Variants in PDE4B observed in about 807,000 individuals in gnomAD.
PDE4B encodes phosphodiesterase 4B.
Under a neutral mutation model 82.2 loss-of-function variants are expected in PDE4B, and 20 were observed. That is an observed-to-expected ratio of 0.24 (90% CI 0.17 to 0.35). The LOEUF (loss-of-function observed/expected upper bound fraction) is 0.35, where lower values mean the gene tolerates loss of function less well. Ranked by LOEUF, PDE4B falls within the 10% of genes least tolerant of loss-of-function variation. The pLI, the probability that PDE4B is intolerant of heterozygous loss-of-function variation, is 1.00. For missense variants in PDE4B, 655 were observed against 907.2 expected (o/e 0.72, Z 3.57); for synonymous variants, 320 against 318.9 (o/e 1.00, Z -0.04).
intron 3 of PDE4B, among the ~76,000 whole-genome samples, chr1:65,980,147 A>G (rs9436310): frequency 1.3e-3 from 202 of 152,300 alleles, no homozygotes; most frequent in African/African-American, 4.4e-3. Flanking sequence ...GTTGATAATG[A>G]TTATACACAT....
At chr1:66,295,330 C>G (rs1657425694) in intron 7 of PDE4B, among the ~76,000 whole-genome samples, 1 of 152,162 alleles carries the variant, frequency 6.6e-6, no homozygotes, top group South Asian at 2.1e-4. Context: ...TAAGACTCAG[C>G]CCCACATGTC....
chr1:65,810,863 G>T (rs1645810943), intron 1 of PDE4B, among the ~76,000 whole-genome samples: 1 of 152,068 alleles, frequency 6.6e-6, no homozygotes, highest in African/African-American at 2.4e-5. Context: ...GAGTTAATGT[G>T]GAGGATCTAC....
At chr1:65,798,081 C>T (rs979569402) in intron 1 of PDE4B, among the ~76,000 whole-genome samples, 16 of 151,884 alleles carry the variant, frequency 1.1e-4, no homozygotes, top group African/African-American at 3.9e-4. Flanking sequence ...TGCAGTGGTG[C>T]ATCTCGGCTC....
intron 3 of PDE4B, among the ~76,000 whole-genome samples, chr1:66,033,860 A>C (rs868517840): frequency 4.0e-4 from 60 of 151,522 alleles, no homozygotes; most frequent in Admixed American, 4.6e-4. Flanking sequence ...TTAATATTAG[A>C]CTTATGGTTG....
intron 3 of PDE4B, among the ~76,000 whole-genome samples, chr1:66,017,391 C>G (rs931909654): frequency 6.6e-6 from 1 of 152,010 alleles, no homozygotes; most frequent in African/African-American, 2.4e-5. Flanking sequence ...AAAAAGCTAC[C>G]TAGATAAAAG....
intron 1 of PDE4B, among the ~76,000 whole-genome samples, chr1:65,795,352 C>T (rs969355811): frequency 6.6e-6 from 1 of 152,134 alleles, no homozygotes; most frequent in Non-Finnish European, 1.5e-5. Context: ...ACAATTTCAC[C>T]CATTTCTATT....
chr1:66,331,627 T>C (rs1471070214), intron 7 of PDE4B: 3 of 359,366 alleles, frequency 8.3e-6, no homozygotes, highest in Non-Finnish European at 1.2e-5. Context: ...GGGCAACAAA[T>C]TGGAGCCCCC....
chr1:66,022,345 T>C (rs899543617), intron 3 of PDE4B, among the ~76,000 whole-genome samples: 6 of 152,120 alleles, frequency 3.9e-5, no homozygotes, highest in Admixed American at 2.0e-4. Context: ...CCAACACTGT[T>C]GAATAGGAGT....
intron 3 of PDE4B, among the ~76,000 whole-genome samples, chr1:66,113,521 A>T (rs563507253): frequency 2.6e-5 from 4 of 152,336 alleles, no homozygotes; most frequent in South Asian, 4.1e-4. Context: ...TCACTGAGTT[A>T]TACAGCTGCT....
At chr1:66,306,554 C>T (rs1198262882) in intron 7 of PDE4B, among the ~76,000 whole-genome samples, 1 of 152,122 alleles carries the variant, frequency 6.6e-6, no homozygotes, top group Non-Finnish European at 1.5e-5. Flanking sequence ...GATTTTAAAT[C>T]AACGTGACTG....
In PDE4B at chr1:66,297,566, C is replaced by A. The variant is rs79650450; in HGVS notation, c.634+31479C>A. ...AGAGATCCTCAAGAGAGCGGTTTTACCTTGCTTTTACTTTCTCATGCATTT... is the reference window on the plus strand; with the variant it reads ...AGAGATCCTCAAGAGAGCGGTTTTAACTTGCTTTTACTTTCTCATGCATTT... On this transcript the variant is annotated intron_variant, in intron 7 of 16. Coordinates refer to ENST00000341517, the MANE Select transcript of PDE4B (RefSeq NM_002600.4). Among the ~76,000 whole-genome samples the A allele has an allele frequency of 9.2e-5, 14 of 152,150 alleles. No individual in the cohort carries two copies. In the East Asian group the frequency reaches 2.3e-3, roughly 25 times the overall value.
At chr1:65,828,855 A>C (rs1646049032) in intron 1 of PDE4B, among the ~76,000 whole-genome samples, 1 of 152,192 alleles carries the variant, frequency 6.6e-6, no homozygotes, top group South Asian at 2.1e-4. Flanking sequence ...AAAAATGTTC[A>C]GTTCAGCTCA....
intron 3 of PDE4B, among the ~76,000 whole-genome samples, chr1:65,978,450 C>T (rs1001757713): frequency 1.3e-5 from 2 of 152,154 alleles, no homozygotes; most frequent in Admixed American, 6.6e-5. Context: ...GAAGGAATTT[C>T]TCAAGGATGA....
At chr1:65,837,620 A>C (rs552236673) in intron 1 of PDE4B, among the ~76,000 whole-genome samples, 19 of 152,318 alleles carry the variant, frequency 1.2e-4, no homozygotes, top group Middle Eastern at 3.4e-3. Context: ...AAACAAAAAC[A>C]AAAAATACTA....
chr1:66,101,464 C>T (rs1260516219), intron 3 of PDE4B, among the ~76,000 whole-genome samples: 1 of 152,200 alleles, frequency 6.6e-6, no homozygotes. Context: ...TAAAAGCATT[C>T]CTATCTCTCC....
At position 65,924,979 on chromosome 1, in the gene PDE4B, T is replaced by C. The variant is rs201058016; in HGVS notation, c.281+6144T>C. ...TATTCTGTTCATTAGGTCTTACACA[T>C]GCACAGGGGAGGGGATTCTGCAAAG... On this transcript the variant is annotated intron_variant, in intron 3 of 16. Transcript: ENST00000341517. Among the ~76,000 whole-genome samples the C allele has an allele frequency of 2.6e-5, 4 of 152,282 alleles. No individual in the cohort carries two copies. The East Asian group carries it at 7.7e-4, about 29-fold the overall frequency.
intron 1 of PDE4B, among the ~76,000 whole-genome samples, chr1:65,884,352 T>A (rs1385102307): frequency 6.6e-6 from 1 of 152,150 alleles, no homozygotes; most frequent in Non-Finnish European, 1.5e-5. Flanking sequence ...ATTGGTCTAT[T>A]CAGGGATTCA....
At chr1:66,167,945 C>T (rs1646767874) in intron 3 of PDE4B, among the ~76,000 whole-genome samples, 1 of 152,202 alleles carries the variant, frequency 6.6e-6, no homozygotes, top group South Asian at 2.1e-4. Context: ...ACCAATGCCT[C>T]TCTCTTTTCT....
intron 3 of PDE4B, among the ~76,000 whole-genome samples, chr1:65,981,284 G>C (rs1049692932): frequency 1.3e-5 from 2 of 152,088 alleles, no homozygotes; most frequent in Non-Finnish European, 2.9e-5. Context: ...AACATGCCAA[G>C]GTACGTTAAA....
Sources: gnomAD v4.1 joint callset for allele counts (sites outside exome capture counted in the v4.1 genomes callset) on GRCh38, gnomAD v4.1.1 for gene constraint, MANE v1.5 for transcripts, NCBI Gene and HGNC (gene_info 2026-07-23, HGNC 2026-07-21) for gene names.